Variants in GABRR2 observed in about 807,000 individuals in gnomAD.
The protein encoded by GABRR2 is gamma-aminobutyric acid type A receptor subunit rho2, also known as gamma-aminobutyric acid receptor subunit rho-2.
A neutral mutation model predicts 47.0 loss-of-function variants in GABRR2; 36 were observed. The ratio of observed to expected loss-of-function variants is 0.77; its 90% CI spans 0.59 to 1.01. GABRR2 has a LOEUF of 1.01. GABRR2 is among the 50% of genes least tolerant of loss of function. The pLI is 0.00. For missense variants in GABRR2, 587 were observed against 594.6 expected (o/e 0.99, Z 0.13); for synonymous variants, 204 against 227.5 (o/e 0.90, Z 0.93).
chr6:89,267,928 G>C, intron 5 of GABRR2, 86 bp downstream of exon 5: 3 of 1,564,022 alleles, frequency 1.9e-6, no homozygotes, highest in South Asian at 1.1e-5. Context: ...TAACGCTGGC[G>C]GGCAGTGCTC....
chr6:89,264,506 C>T lies in GABRR2; in HGVS notation c.992G>A (p.Ser331Asn). 6.2e-7 allele frequency: 1 copy of T among 1,614,148 alleles called. No individual in the cohort carries two copies. The change falls in exon 8 of 9, where the codon AGC (serine) becomes AAC (asparagine). Residue 331 changes from serine (S) to asparagine (N), a missense_variant. By Grantham distance (46) the Ser-to-Asn change is conservative. Transcript: ENST00000402938. ...VKAVDIYLWV[S>N]FVFVFLSVLE... ...CACCGAGAGGAACACGAACACAAAG[C>T]TGACCCAGAGGTAGATGTCCACGGC... is the stretch of plus-strand genomic sequence containing the variant.
At chr6:89,259,918 T>C (rs1037850435) in intron 8 of GABRR2, among the ~76,000 whole-genome samples, 2 of 149,920 alleles carry the variant, frequency 1.3e-5, no homozygotes, top group African/African-American at 5.0e-5. Flanking sequence ...GTTTTTTTTG[T>C]TTTTTAGACA....
intron 8 of GABRR2, among the ~76,000 whole-genome samples, chr6:89,261,985 A>G (rs1398724691): frequency 1.3e-5 from 2 of 151,550 alleles, no homozygotes; most frequent in Non-Finnish European, 2.9e-5. Flanking sequence ...TGCAGTTAGC[A>G]ACCACTGCAT....
Position 89,302,960 on chromosome 6 carries a change from G to T in GABRR2, c.114-3095C>A. 5.5e-6 allele frequency: 7 copies of T among 1,270,550 alleles called. No homozygotes were observed. In the South Asian group the frequency reaches 8.1e-5, roughly 15 times the overall value. 78.7% of individuals were successfully genotyped at this position (1,270,550 alleles called of 1,614,324 possible). On this transcript the variant is annotated intron_variant, in intron 1 of 8. Coordinates refer to ENST00000402938, the MANE Select transcript of GABRR2 (RefSeq NM_002043.5). ...AAGGCCTTCCTACACTGGTACATGG[G>T]CAAGGGCATGGACGAGATGGAGATC...
chr6:89,297,093 A>G (rs796500308), intron 2 of GABRR2, among the ~76,000 whole-genome samples: 9 of 152,328 alleles, frequency 5.9e-5, no homozygotes, highest in African/African-American at 2.2e-4. Flanking sequence ...ACACTGAGGC[A>G]CGGCCACGTT....
chr6:89,268,174 G>A (rs1451111575), intron 4 of GABRR2, 78 bp from the exon 5 acceptor site: 5 of 1,052,720 alleles, frequency 4.7e-6, no homozygotes, highest in Admixed American at 2.0e-5. Flanking sequence ...AGAAGGCACA[G>A]CACACAACTG....
chr6:89,301,758 C>A (rs1201666006), intron 1 of GABRR2: 2 of 701,894 alleles, frequency 2.8e-6, no homozygotes, highest in African/African-American at 3.5e-5. Flanking sequence ...TGCCCGTCCG[C>A]AGCCGCCTGC....
intron 2 of GABRR2, among the ~76,000 whole-genome samples, chr6:89,275,435 G>A (rs1463474869): frequency 6.6e-6 from 1 of 152,042 alleles, no homozygotes; most frequent in African/African-American, 2.4e-5. Context: ...CACCACACCT[G>A]GCTAATTCTT....
intron 1 of GABRR2, among the ~76,000 whole-genome samples, chr6:89,313,874 G>A (rs1026552916): frequency 4.6e-5 from 7 of 152,148 alleles, no homozygotes; most frequent in Middle Eastern, 3.4e-3. Flanking sequence ...CCAAGATTGC[G>A]CCACTGCACT....
chr6:89,268,344 T>C (rs1202149670), intron 4 of GABRR2, among the ~76,000 whole-genome samples: 1 of 152,260 alleles, frequency 6.6e-6, no homozygotes, highest in East Asian at 1.9e-4. Flanking sequence ...CTGGTGGTGC[T>C]GGCTGCTAAT....
chr6:89,300,779 GAT>G lies in GABRR2; in HGVS notation c.114-916_114-915del, dbSNP rs199698651. Among the ~76,000 whole-genome samples the G allele has an allele frequency of 9.8e-3, 1,361 of 138,772 alleles. 21 individuals are homozygous for G. Among genetic ancestry groups the G allele is most frequent in the African/African-American group, 0.034 (1,301 of 38,190 alleles). The allele number at this position is 138,772 out of a possible 152,430, so 91.0% of individuals were successfully genotyped here. A position where few individuals can be genotyped will look rare whatever the true frequency, so the allele number is the denominator to read the frequency against. On this transcript the variant is annotated intron_variant, in intron 1 of 8. Coordinates refer to ENST00000402938, the MANE Select transcript of GABRR2 (RefSeq NM_002043.5). ...AAAAAAAAAAAAAGGCCCAGGACCT[GAT>G]ATATTCACAGCCAAATTCTACCAGA... is the stretch of plus-strand genomic sequence containing the variant.
chr6:89,282,336 A>C (rs2127840406), intron 2 of GABRR2, among the ~76,000 whole-genome samples: 1 of 152,270 alleles, frequency 6.6e-6, no homozygotes, highest in Admixed American at 6.5e-5. Context: ...TGGGCTTGCC[A>C]TGTCCTCTTC....
rs1773599767 is a variant in GABRR2 at position 89,256,345 on chromosome 6, CTT to C, written c.*1323_*1324del. 6.6e-6 allele frequency among the ~76,000 whole-genome samples: 1 copy of C among 151,780 alleles called. No individual in the cohort carries two copies. Among genetic ancestry groups the C allele is most frequent in the South Asian group, 2.1e-4 (1 of 4,800 alleles). On this transcript the variant is annotated 3_prime_UTR_variant, in exon 9 of 9. Transcript: ENST00000402938. ...ATTATAGATATTTGTGTGGTATTTC[CTT>C]TACTAGTTCCTTCTCTGAGAGCTTC...
rs1195691832 is a variant in GABRR2, at chr6:89,300,639, TACAC to T, written c.114-778_114-775del. Among the ~76,000 whole-genome samples, 8 of 146,666 alleles carry T rather than the reference TACAC, an allele frequency of 5.5e-5. No homozygotes were observed. The East Asian group carries it at 1.6e-3, about 30-fold the overall frequency. ...AGAGATGGATAAATTCCTGGACACA[TACAC>T]ACCCCAAACCAAATAGTGAACCAGG... On this transcript the variant is annotated intron_variant, in intron 1 of 8. Coordinates refer to ENST00000402938, the MANE Select transcript of GABRR2 (RefSeq NM_002043.5).
chr6:89,264,290 C>A, intron 8 of GABRR2, 122 bp downstream of exon 8: 1 of 1,183,114 alleles, frequency 8.5e-7, no homozygotes, highest in South Asian at 1.6e-5. Flanking sequence ...CAAGATCCTC[C>A]TCGTTTTGCA....
chr6:89,292,732 TATCATATATA>T (rs1774474524), intron 2 of GABRR2, among the ~76,000 whole-genome samples: 1 of 136,558 alleles, frequency 7.3e-6, no homozygotes, highest in Non-Finnish European at 1.6e-5. Flanking sequence ...ATATCGTATA[TATCATATATA>T]ATCGTATATA....
At chr6:89,298,981 T>C (rs7762714) in intron 2 of GABRR2, among the ~76,000 whole-genome samples, 131,379 of 152,196 alleles carry the variant, frequency 0.86, 57,159 homozygotes, top group East Asian at 1. Context: ...TGGAAACTGT[T>C]GGCACCTTGA....
rs375057900 is a variant in GABRR2 at position 89,267,979 on chromosome 6, A to G, written c.595+35T>C. 4 of 1,597,788 alleles carry G rather than the reference A, an allele frequency of 2.5e-6. No homozygotes were observed. The African/African-American group carries it at 5.4e-5, about 21-fold the overall frequency. ...AAAATGGCACAAAGATCAGAGAGGA[A>G]AGAAAGTGAAGGAATTAGGAATGCT... On this transcript the variant is annotated intron_variant, in intron 5 of 8. Coordinates refer to ENST00000402938, the MANE Select transcript of GABRR2 (RefSeq NM_002043.5).
Position 89,264,517 on chromosome 6 carries a change from G to T in GABRR2, c.981C>A (p.Tyr327Ter). Residue 327 changes from tyrosine (Y) to a stop codon, truncating the protein, a stop_gained, in exon 8 of 9, where the codon TAC becomes TAA. Transcript: ENST00000402938. LOFTEE classifies it high-confidence loss of function. ...ACACGAACACAAAGCTGACCCAGAG[G>T]TAGATGTCCACGGCCTTGACGTAGG... The part of the protein sequence containing the change: ...RVSYVKAVDI[Y>*]LWVSFVFVFL... 1 of 1,614,128 alleles carries T rather than the reference G, an allele frequency of 6.2e-7. No homozygotes were observed. The highest frequency in any genetic ancestry group is 1.3e-5 in the African/African-American group (1 of 75,044).
Sources: allele counts gnomAD v4.1 joint callset (sites outside exome capture counted in the v4.1 genomes callset), GRCh38; gene constraint gnomAD v4.1.1; transcripts MANE v1.5; gene names NCBI Gene and HGNC (gene_info 2026-07-23, HGNC 2026-07-21).